The following KHNYN variants were observed in gnomAD, a reference collection of about 807,000 sequenced individuals.
KHNYN encodes the protein protein KHNYN.
A neutral mutation model predicts 62.7 loss-of-function variants in KHNYN; 42 were observed. The ratio of observed to expected loss-of-function variants is 0.67; its 90% CI spans 0.52 to 0.87. The LOEUF (loss-of-function observed/expected upper bound fraction) is 0.87, where lower values mean the gene tolerates loss of function less well. KHNYN is among the 40% of genes least tolerant of loss of function. The pLI, the probability that KHNYN is intolerant of heterozygous loss-of-function variation, is 0.00. For synonymous variants in KHNYN, 347 were observed against 345.6 expected, an observed-to-expected ratio of 1.00 and a Z score of -0.04; for missense variants, 829 against 874.1, an observed-to-expected ratio of 0.95 and a Z score of 0.65.
upstream of KHNYN, chr14:24,428,510 G>T: frequency 7.3e-7 from 1 of 1,369,948 alleles, no homozygotes; most frequent in Non-Finnish European, 1.0e-6. Context: ...AGAAGGAGTG[G>T]CAAGTAGGAG....
chr14:24,436,255 G>A, intron 6 of KHNYN, 76 bp downstream of exon 6: 1 of 1,469,080 alleles, frequency 6.8e-7, no homozygotes, highest in Middle Eastern at 1.7e-4. Flanking sequence ...CTGGCCATGG[G>A]GTGAAAACTC....
Position 24,430,882 on chromosome 14 carries a change from A to G in KHNYN, c.152A>G (p.His51Arg), listed in dbSNP as rs1236304975. 1.9e-6 allele frequency: 3 copies of G among 1,614,020 alleles called. No individual in the cohort carries two copies. Among genetic ancestry groups the G allele is most frequent in the Non-Finnish European group, 2.5e-6 (3 of 1,179,932 alleles). ...CCGAAGGACTGTCCGGACAACCCCC[A>G]CATCTGGCTGCAGCTGGAGGGCCCC... ...VLPKDCPDNP[H>R]IWLQLEGPKE... Residue 51 changes from histidine to arginine, a missense_variant, in exon 2 of 8, where the codon CAC becomes CGC. This residue lies in a region of KHNYN where 559 missense variants were observed against 527.0 expected (regional missense o/e 1.06). Transcript: ENST00000553935.
chr14:24,427,766 T>C (rs2043034315), upstream of KHNYN: 6 of 1,612,342 alleles, frequency 3.7e-6, no homozygotes, highest in East Asian at 1.1e-4. This position sits in a 1 kb window ranked among gnomAD's most constrained non-coding sequence, Gnocchi z 4.4. Context: ...GGCTGGATTC[T>C]TGTGCTTGAA....
Position 24,438,807 on chromosome 14 carries a change from G to A in KHNYN, c.*1522G>A, listed in dbSNP as rs2043246626. On this transcript the variant is annotated 3_prime_UTR_variant, in exon 8 of 8. Coordinates refer to ENST00000553935, the MANE Select transcript of KHNYN (RefSeq NM_015299.3). ...TAAAGAAGTAGGACAGGTGCCCCTG[G>A]GTTCTGTTCTGTGTGGGCCTGTGGG... is the stretch of plus-strand genomic sequence containing the variant. 6.6e-6 allele frequency: 1 copy of A among 152,168 alleles called. No homozygotes were observed. The highest frequency in any genetic ancestry group is 2.4e-5 in the African/African-American group (1 of 41,420). The allele number at this position is 152,168 out of a possible 1,614,324, so 9.4% of individuals were successfully genotyped here. A position where few individuals can be genotyped will look rare whatever the true frequency, so the allele number is the denominator to read the frequency against.
chr14:24,436,135 C>T lies in KHNYN; in HGVS notation c.1641C>T (p.Asp547=). Reference sequence around the variant, plus strand: ...TTGTCTCCAATGACCAGTTCCGGGACCTGGCGGAGGAGTCTGAGAAGTGGA... The same window carrying T: ...TTGTCTCCAATGACCAGTTCCGGGATCTGGCGGAGGAGTCTGAGAAGTGGA... ...GIIVSNDQFR[D]LAEESEKWMA... is the part of the protein sequence containing the mutation. The change falls in exon 6 of 8, where the codon GAC becomes GAT. Residue 547 remains aspartate (D), a synonymous_variant. Transcript: ENST00000553935. 6.2e-7 allele frequency: 1 copy of T among 1,614,114 alleles called. No individual in the cohort carries two copies. Among genetic ancestry groups the T allele is most frequent in the Non-Finnish European group, 8.5e-7 (1 of 1,180,008 alleles).
chr14:24,428,023 C>G (rs1276960618), upstream of KHNYN: 18 of 1,592,122 alleles, frequency 1.1e-5, no homozygotes, highest in Non-Finnish European at 1.5e-5. Context: ...CATTCCCCAG[C>G]CCTTAGCTCA....
chr14:24,435,575 G>A (rs553388421), intron 5 of KHNYN: 3 of 161,408 alleles, frequency 1.9e-5, no homozygotes, highest in East Asian at 3.7e-4. Flanking sequence ...AGGGAGCAGA[G>A]CACAAGGCTT....
chr14:24,425,058 G>T (rs1047965008), upstream of KHNYN, among the ~76,000 whole-genome samples: 1 of 152,138 alleles, frequency 6.6e-6, no homozygotes, highest in Admixed American at 6.6e-5. Flanking sequence ...AAAATTAGCT[G>T]GGTGTGGTGG....
upstream of KHNYN, chr14:24,429,877 G>T: frequency 9.9e-7 from 1 of 1,013,832 alleles, no homozygotes; most frequent in Non-Finnish European, 1.2e-6. Flanking sequence ...GGGCGCGGCG[G>T]CGGGGTTGGG....
In KHNYN at chr14:24,432,178, C is replaced by T. The variant is rs1401570459; in HGVS notation, c.917C>T (p.Ala306Val). The T allele has an allele frequency of 6.4e-7, 1 of 1,570,768 alleles. No homozygotes were observed. The highest frequency in any genetic ancestry group is 1.4e-5 in the African/African-American group (1 of 73,998). ...GAGTCAGCACCCCTGAAAGGGAAGG[C>T]CCTGGGGAAGGAGGAGATAGCTCTG... ...ARESAPLKGKALGKEEIALGG... is the reference protein window; with the variant it reads ...ARESAPLKGKVLGKEEIALGG... Residue 306 changes from alanine (A) to valine (V), a missense_variant, in exon 3 of 8, where the codon GCC becomes GTC. Physicochemically the swap from Ala to Val is moderately conservative, Grantham distance 64. Coordinates refer to ENST00000553935, the MANE Select transcript of KHNYN (RefSeq NM_015299.3). The surrounding 1 kb of genome is among the most constrained non-coding windows in gnomAD (Gnocchi z 5.6).
At chr14:24,436,969 G>T in intron 7 of KHNYN, 67 bp from the exon 8 acceptor site, 1 of 1,551,582 alleles carries the variant, frequency 6.4e-7, no homozygotes, top group South Asian at 1.2e-5. Context: ...TACGAGAGGG[G>T]TGCCCACTAA....
At chr14:24,429,149 C>G, upstream of KHNYN, 1 of 1,340,244 alleles carries the variant, frequency 7.5e-7, no homozygotes. Context: ...GCACCCTGAT[C>G]GTCTGCCCTC....
In KHNYN at chr14:24,431,564, C is replaced by T; in HGVS notation, c.303C>T (p.Asp101=). The T allele has an allele frequency of 6.2e-7, 1 of 1,613,062 alleles. No homozygotes were observed. The highest frequency in any genetic ancestry group is 8.5e-7 in the Non-Finnish European group (1 of 1,179,186). The change falls in exon 3 of 8, where the codon GAC becomes GAT. Residue 101 remains aspartate, a synonymous_variant. Transcript: ENST00000553935. ...TGGGAGCCCAGGGCTTCTTCCTTGACTGCCTGGCCTGGAGCACGTCAGCCC... is the reference window on the plus strand; with the variant it reads ...TGGGAGCCCAGGGCTTCTTCCTTGATTGCCTGGCCTGGAGCACGTCAGCCC... ...IFLGAQGFFL[D]CLAWSTSAHL... is the part of the protein sequence containing the mutation.
the KHNYN span, among the ~76,000 whole-genome samples, chr14:24,423,529 C>A: frequency 6.6e-6 from 1 of 151,854 alleles, no homozygotes; most frequent in African/African-American, 2.4e-5. Flanking sequence ...TTTCTGTGTT[C>A]TCAGTGAGGT....
At position 24,431,579 on chromosome 14, in the gene KHNYN, C is replaced by T. The variant is rs369964642; in HGVS notation, c.318C>T (p.Ser106=). The stretch of plus-strand genomic sequence containing the variant: ...TCTTCCTTGACTGCCTGGCCTGGAG[C>T]ACGTCAGCCCATCTGGTGCCCAGGG... The part of the protein sequence containing the change: ...QGFFLDCLAW[S]TSAHLVPRAP... Residue 106 remains serine, a synonymous_variant, in exon 3 of 8, where the codon AGC becomes AGT. Coordinates refer to ENST00000553935, the MANE Select transcript of KHNYN (RefSeq NM_015299.3). 11 of 1,613,092 alleles carry T rather than the reference C, an allele frequency of 6.8e-6. No homozygotes were observed. The highest frequency in any genetic ancestry group is 9.3e-6 in the Non-Finnish European group (11 of 1,179,314).
intron 5 of KHNYN, 66 bp from the exon 6 acceptor site, chr14:24,436,006 C>T: frequency 8.3e-7 from 1 of 1,197,796 alleles, no homozygotes; most frequent in Non-Finnish European, 1.2e-6. Context: ...ATGATCCAAA[C>T]AGTGAACATT....
In KHNYN at chr14:24,439,968, G is replaced by A. The variant is rs2043270485; in HGVS notation, c.*2683G>A. 4 of 787,880 alleles carry A rather than the reference G, an allele frequency of 5.1e-6. No homozygotes were observed. In the Admixed American group the frequency reaches 8.8e-5, roughly 17 times the overall value. The allele number at this position is 787,880 out of a possible 1,614,324, so 48.8% of individuals were successfully genotyped here. A position where few individuals can be genotyped will look rare whatever the true frequency, so the allele number is the denominator to read the frequency against. On this transcript the variant is annotated 3_prime_UTR_variant, in exon 8 of 8. Coordinates refer to ENST00000553935, the MANE Select transcript of KHNYN (RefSeq NM_015299.3). The stretch of plus-strand genomic sequence containing the variant: ...CAACAGAACAATGGGAAAGAGGACT[G>A]GGAGAGGAATCTAAGAACCAGATGG...
chr14:24,437,061 C>T lies in KHNYN; in HGVS notation c.1813C>T (p.His605Tyr), dbSNP rs1594758971. ...GACACAGGGGTCTTCTAAGGCTCAG[C>T]ATCCTTCCAGGGGCTTTGCAGAACA... ...ARTQGSSKAQ[H>Y]PSRGFAEHGK... Residue 605 changes from histidine (H) to tyrosine (Y), a missense_variant, in exon 8 of 8, where the codon CAT (histidine) becomes TAT (tyrosine). By Grantham distance (83) the His-to-Tyr change is moderately conservative (BLOSUM62 2). Coordinates refer to ENST00000553935, the MANE Select transcript of KHNYN (RefSeq NM_015299.3). This position sits in a 1 kb window ranked among gnomAD's most constrained non-coding sequence, Gnocchi z 5.5. The T allele has an allele frequency of 1.2e-6, 2 of 1,614,162 alleles. No homozygotes were observed. The highest frequency in any genetic ancestry group is 1.7e-6 in the Non-Finnish European group (2 of 1,180,010).
chr14:24,428,541 C>G, upstream of KHNYN: 2 of 1,162,970 alleles, frequency 1.7e-6, no homozygotes, highest in South Asian at 3.1e-5. Flanking sequence ...TGAACAGATT[C>G]AAAAGAAATG....
Sources: gnomAD v4.1 joint callset for allele counts (sites outside exome capture counted in the v4.1 genomes callset) on GRCh38, gnomAD v4.1.1 for gene constraint, gnomAD v4.1.1 regional missense constraint, Gnocchi (gnomAD v3.1) non-coding constraint, MANE v1.5 for transcripts, NCBI Gene and HGNC (gene_info 2026-07-23, HGNC 2026-07-21) for gene names.